The following SLC2A13 variants were observed in gnomAD, a reference collection of about 807,000 sequenced individuals.
SLC2A13 encodes proton myo-inositol cotransporter.
Under a neutral mutation model 64.4 loss-of-function variants are expected in SLC2A13, and 32 were observed. The ratio of observed to expected loss-of-function variants is 0.50; its 90% CI spans 0.37 to 0.67. The LOEUF (loss-of-function observed/expected upper bound fraction) is 0.67. Ranked by LOEUF, SLC2A13 falls within the 30% of genes least tolerant of loss-of-function variation. The pLI is 0.00. For missense variants in SLC2A13, 743 were observed against 829.2 expected (o/e 0.90, Z 1.28); for synonymous variants, 338 against 327.1 (o/e 1.03, Z -0.36).
At chr12:39,871,998 T>G (rs201961852) in intron 4 of SLC2A13, 37 bp from the exon 5 acceptor site, 6 of 1,479,482 alleles carry the variant, frequency 4.1e-6, no homozygotes, top group Non-Finnish European at 3.6e-6. Context: ...CTATTGATAG[T>G]TACCCAAAGA....
At chr12:40,061,475 C>T (rs1217773312) in intron 1 of SLC2A13, among the ~76,000 whole-genome samples, 1 of 151,984 alleles carries the variant, frequency 6.6e-6, no homozygotes, top group African/African-American at 2.4e-5. Context: ...GAGGGTCATT[C>T]TGGGAAAGAA....
chr12:40,078,105 G>C (rs539477724), intron 1 of SLC2A13, among the ~76,000 whole-genome samples: 1 of 152,010 alleles, frequency 6.6e-6, no homozygotes, highest in Non-Finnish European at 1.5e-5. Context: ...AGATAGATAT[G>C]GTTTGACTTC....
intron 6 of SLC2A13, among the ~76,000 whole-genome samples, chr12:39,838,662 A>G (rs1464732166): frequency 6.6e-6 from 1 of 152,100 alleles, no homozygotes; most frequent in Non-Finnish European, 1.5e-5. Flanking sequence ...TGTCTAAGGA[A>G]GAGAAAGGAT....
intron 7 of SLC2A13, among the ~76,000 whole-genome samples, chr12:39,822,164 G>A (rs973216129): frequency 6.8e-6 from 1 of 146,544 alleles, no homozygotes; most frequent in Non-Finnish European, 1.5e-5. Context: ...GTGAGAATAT[G>A]CGGTGTTTGG....
intron 3 of SLC2A13, among the ~76,000 whole-genome samples, chr12:39,991,128 TGAAA>T (rs763643707): frequency 1.3e-5 from 2 of 152,192 alleles, no homozygotes; most frequent in Admixed American, 1.3e-4. Flanking sequence ...AGTTCAACCA[TGAAA>T]GACTGTGTTT....
rs768216813 is a variant in SLC2A13, at chr12:39,951,311, A to G, written c.980T>C (p.Ile327Thr). The change falls in exon 4 of 10, where the codon ATT (isoleucine) becomes ACT (threonine). Residue 327 changes from isoleucine (I) to threonine (T), a missense_variant. By Grantham distance (89) the Ile-to-Thr change is moderately conservative. Around this residue, in one of 2 missense-constraint regions of SLC2A13, gnomAD observed 448 missense variants for 447.4 expected, o/e 1.00. Coordinates refer to ENST00000280871, the MANE Select transcript of SLC2A13 (RefSeq NM_052885.4). The part of the protein sequence containing the change: ...LSYPPTRRAL[I>T]VGCGLQMFQQ... Reference sequence around the variant, plus strand: ...GAACATTTGTAGGCCACAACCCACAATTAAAGCTCGGCGAGTTGGGGGATA... The same window carrying G: ...GAACATTTGTAGGCCACAACCCACAGTTAAAGCTCGGCGAGTTGGGGGATA... The G allele has an allele frequency of 3.1e-6, 5 of 1,612,730 alleles. No homozygotes were observed. The highest frequency in any genetic ancestry group is 2.2e-5 in the South Asian group (2 of 90,888).
intron 1 of SLC2A13, among the ~76,000 whole-genome samples, chr12:40,101,183 A>T (rs981165243): frequency 1.2e-4 from 17 of 146,528 alleles, no homozygotes; most frequent in Middle Eastern, 3.2e-3. Context: ...GTGAACCAAT[A>T]AAAAAAAAAG....
intron 1 of SLC2A13, among the ~76,000 whole-genome samples, chr12:40,100,472 T>A (rs566627737): frequency 6.6e-6 from 1 of 152,352 alleles, no homozygotes; most frequent in South Asian, 2.1e-4. Flanking sequence ...TATGCTCTTG[T>A]ACTTTGTGTT....
intron 7 of SLC2A13, among the ~76,000 whole-genome samples, chr12:39,780,079 A>C (rs974090802): frequency 7.9e-5 from 12 of 152,352 alleles, no homozygotes; most frequent in African/African-American, 2.9e-4. Context: ...TAAATTCCTC[A>C]TTTGATGAAA....
intron 1 of SLC2A13, among the ~76,000 whole-genome samples, chr12:40,061,199 G>T (rs1948415096): frequency 3.3e-5 from 5 of 151,978 alleles, no homozygotes; most frequent in Admixed American, 3.3e-4. Flanking sequence ...GCATAAATAA[G>T]CTGGGAAAGA....
At chr12:39,769,016 C>T (rs1311430577) in intron 7 of SLC2A13, among the ~76,000 whole-genome samples, 1 of 152,046 alleles carries the variant, frequency 6.6e-6, no homozygotes. Context: ...TTTGAGTTCC[C>T]AACCCGGTGT....
chr12:40,035,303 C>T (rs193125275), intron 2 of SLC2A13, among the ~76,000 whole-genome samples: 126 of 152,228 alleles, frequency 8.3e-4, no homozygotes, highest in Admixed American at 3.3e-3. Flanking sequence ...CTACTTAATG[C>T]AAAAGTTTTA....
At chr12:39,984,081 A>G (rs998152417) in intron 3 of SLC2A13, among the ~76,000 whole-genome samples, 4 of 152,028 alleles carry the variant, frequency 2.6e-5, no homozygotes, top group African/African-American at 9.7e-5. Context: ...TCGCAAGAAG[A>G]AAAAACCAAA....
At chr12:40,042,914 T>C (rs923045128) in intron 2 of SLC2A13, among the ~76,000 whole-genome samples, 1 of 143,280 alleles carries the variant, frequency 7.0e-6, no homozygotes, top group Non-Finnish European at 1.5e-5. Flanking sequence ...CCAGAATCCC[T>C]GGATAGGGTA....
chr12:39,831,111 T>C (rs1416463297), intron 6 of SLC2A13, among the ~76,000 whole-genome samples: 1 of 152,144 alleles, frequency 6.6e-6, no homozygotes, highest in Non-Finnish European at 1.5e-5. Flanking sequence ...ACATGCAAGG[T>C]ATCAGAGATA....
intron 1 of SLC2A13, among the ~76,000 whole-genome samples, chr12:40,051,835 C>T (rs866054935): frequency 7.9e-5 from 12 of 152,094 alleles, no homozygotes; most frequent in East Asian, 7.7e-4. Context: ...GGGCTTAGTG[C>T]GCAGAAGCCT....
At chr12:40,042,105 A>G (rs2136231061) in intron 2 of SLC2A13, among the ~76,000 whole-genome samples, 1 of 152,336 alleles carries the variant, frequency 6.6e-6, no homozygotes, top group South Asian at 2.1e-4. Context: ...GGTTCCCAGG[A>G]CTAATATTTT....
intron 4 of SLC2A13, among the ~76,000 whole-genome samples, chr12:39,901,170 C>A (rs1440826404): frequency 6.6e-6 from 1 of 152,138 alleles, no homozygotes; most frequent in Non-Finnish European, 1.5e-5. Context: ...CTTCCTTACA[C>A]CTTATACAAA....
At chr12:39,766,653 A>G (rs1393609568) in intron 7 of SLC2A13, among the ~76,000 whole-genome samples, 1 of 152,044 alleles carries the variant, frequency 6.6e-6, no homozygotes, top group African/African-American at 2.4e-5. Flanking sequence ...ATTGGAGTCA[A>G]TCCTCTCAAA....
Sources: gnomAD v4.1 joint callset for allele counts (sites outside exome capture counted in the v4.1 genomes callset) on GRCh38, gnomAD v4.1.1 for gene constraint, gnomAD v4.1.1 regional missense constraint, MANE v1.5 for transcripts, NCBI Gene and HGNC (gene_info 2026-07-23, HGNC 2026-07-21) for gene names.